FAM20C: variants seen among roughly 807,000 people sequenced by gnomAD.
FAM20C encodes the protein extracellular serine/threonine protein kinase FAM20C.
FAM20C carries 40 observed loss-of-function variants against 51.5 expected under a neutral mutation model. The ratio of observed to expected loss-of-function variants is 0.78; its 90% CI spans 0.60 to 1.01. The LOEUF (loss-of-function observed/expected upper bound fraction) is 1.01. Ranked by LOEUF, FAM20C falls within the 50% of genes least tolerant of loss-of-function variation. FAM20C has a pLI of 0.00. For synonymous variants in FAM20C, 406 were observed against 380.6 expected, an observed-to-expected ratio of 1.07 and a Z score of -0.78; for missense variants, 861 against 844.7, an observed-to-expected ratio of 1.02 and a Z score of -0.24.
At chr7:195,878 C>A (rs568400911) in intron 2 of FAM20C, 146 bp downstream of exon 2, 2 of 765,246 alleles carry the variant, frequency 2.6e-6, no homozygotes, top group African/African-American at 3.6e-5. Flanking sequence ...GCACGGGCAG[C>A]GAGGAGGGAC....
intron 5 of FAM20C, among the ~76,000 whole-genome samples, chr7:250,413 C>T (rs1177765515): frequency 1.3e-5 from 2 of 152,100 alleles, no homozygotes; most frequent in Non-Finnish European, 2.9e-5. Context: ...GGTGCCTGGC[C>T]CTACACACCA....
intron 3 of FAM20C, among the ~76,000 whole-genome samples, chr7:237,747 GATA>G (rs1300601279): frequency 1.1e-4 from 16 of 139,804 alleles, no homozygotes; most frequent in Admixed American, 2.8e-4. Flanking sequence ...GGTAGATGAT[GATA>G]ATGATGATGA....
chr7:201,426 C>G (rs148133017), intron 2 of FAM20C, among the ~76,000 whole-genome samples: 6 of 152,182 alleles, frequency 3.9e-5, no homozygotes, highest in African/African-American at 1.4e-4. Context: ...CCTGCTCCCA[C>G]GAGAAACCAA....
Position 256,006 on chromosome 7 carries a change from C to T in FAM20C, c.1230C>T (p.Ser410=), listed in dbSNP as rs1226327010. 1 of 1,536,004 alleles carries T rather than the reference C, an allele frequency of 6.5e-7. No individual in the cohort carries two copies. The highest frequency in any genetic ancestry group is 2.4e-5 in the East Asian group (1 of 40,904). ...RKTWRNPWRR[S]YHKRKKAEWE... ...CCTGGCGGAACCCTTGGCGGCGTTC[C>T]TACCACAAGCGCAAGAAGGCCGAGT... is the stretch of plus-strand genomic sequence containing the variant. Residue 410 remains serine (S), a synonymous_variant, in exon 6 of 10, where the codon TCC becomes TCT. Coordinates refer to ENST00000313766, the MANE Select transcript of FAM20C (RefSeq NM_020223.4).
chr7:244,387 T>G (rs1389050215), intron 3 of FAM20C, among the ~76,000 whole-genome samples: 24 of 152,228 alleles, frequency 1.6e-4, no homozygotes, highest in Admixed American at 1.6e-3. Flanking sequence ...CTCCAGAATT[T>G]ACCACCCCTG....
chr7:207,334 G>C (rs367996859), intron 2 of FAM20C, among the ~76,000 whole-genome samples: 7 of 113,862 alleles, frequency 6.1e-5, no homozygotes, highest in Admixed American at 1.6e-4. Context: ...CTGTCCCCTC[G>C]GCCCCGCACA....
intron 3 of FAM20C, among the ~76,000 whole-genome samples, chr7:216,939 C>G (rs537285998): frequency 1.3e-5 from 2 of 152,046 alleles, no homozygotes; most frequent in African/African-American, 4.8e-5. Flanking sequence ...TGAGCAGTGA[C>G]GAGGAATTAA....
Position 254,036 on chromosome 7 carries a change from A to G in FAM20C, c.1073-1813A>G, listed in dbSNP as rs146857928. Among the ~76,000 whole-genome samples the G allele has an allele frequency of 7.9e-3, 1,204 of 151,878 alleles. 20 individuals carry two copies. Among genetic ancestry groups the G allele is most frequent in the African/African-American group, 0.028 (1,151 of 41,384 alleles). On this transcript the variant is annotated intron_variant, in intron 5 of 9. Transcript: ENST00000313766. ...TCCTTGATCGTTCGTTCTTACAATA[A>G]TGACCCAGCGTTGGCAGTGGGGTGA...
At chr7:217,194 G>A (rs1787023918) in intron 3 of FAM20C, among the ~76,000 whole-genome samples, 1 of 152,146 alleles carries the variant, frequency 6.6e-6, no homozygotes, top group Non-Finnish European at 1.5e-5. Context: ...CTGACCCCCC[G>A]AGGCCTGTGG....
chr7:209,894 G>A (rs979797695), intron 3 of FAM20C, among the ~76,000 whole-genome samples: 6 of 152,346 alleles, frequency 3.9e-5, no homozygotes, highest in Non-Finnish European at 5.9e-5. Flanking sequence ...AGCTGGGCTC[G>A]GTTTCTGGGC....
chr7:233,533 T>TC (rs1787761829), intron 3 of FAM20C, among the ~76,000 whole-genome samples: 1 of 151,968 alleles, frequency 6.6e-6, no homozygotes, highest in South Asian at 2.1e-4. Context: ...CAGGCTGAGC[T>TC]CCCCCGGGAG....
intron 3 of FAM20C, among the ~76,000 whole-genome samples, chr7:236,758 G>T (rs1037905748): frequency 0.13 from 14,895 of 115,032 alleles, 2,117 homozygotes; most frequent in African/African-American, 0.38. Flanking sequence ...GGCTGTCGGG[G>T]TTTCATGCGG....
At chr7:259,173 G>C (rs566237862) in intron 9 of FAM20C, among the ~76,000 whole-genome samples, 1 of 152,298 alleles carries the variant, frequency 6.6e-6, no homozygotes, top group South Asian at 2.1e-4. Flanking sequence ...CGGATGTGCT[G>C]AGCTGGGGTC....
chr7:248,274 C>T, intron 4 of FAM20C, 41 bp from the exon 5 acceptor site: 1 of 1,440,442 alleles, frequency 6.9e-7, no homozygotes, highest in Non-Finnish European at 9.4e-7. Context: ...GCCCGCTGAG[C>T]CGCACAGAGC....
In FAM20C at chr7:259,988, C is replaced by T. The variant is rs990835780; in HGVS notation, c.*8C>T. ...GCCGCCTCGGCGAGGTAGTGTCCGC[C>T]GGCCGCTGCGCTGCCCGGGACGGAG... On this transcript the variant is annotated 3_prime_UTR_variant, in exon 10 of 10. Transcript: ENST00000313766. The T allele has an allele frequency of 4.2e-5, 63 of 1,504,190 alleles. No homozygotes were observed. In the East Asian group the frequency reaches 7.7e-4, roughly 18 times the overall value. The allele number at this position is 1,504,190 out of a possible 1,614,324, so 93.2% of individuals were successfully genotyped here. A position where few individuals can be genotyped will look rare whatever the true frequency, so the allele number is the denominator to read the frequency against.
At chr7:224,197 G>GGTC (rs528342507) in intron 3 of FAM20C, among the ~76,000 whole-genome samples, 3 of 132,282 alleles carry the variant, frequency 2.3e-5, no homozygotes, top group African/African-American at 8.4e-5. Flanking sequence ...CCGTCACGGG[G>GGTC]TCGCACGGCG....
chr7:216,578 TCC>T (rs1786974207), intron 3 of FAM20C, among the ~76,000 whole-genome samples: 2 of 151,842 alleles, frequency 1.3e-5, no homozygotes, highest in African/African-American at 4.8e-5. Context: ...ACACCTGCCC[TCC>T]CTGCTCTTTC....
chr7:193,107 T>C lies in FAM20C; in HGVS notation c.-93T>C, dbSNP rs897135114. 3 of 1,203,588 alleles carry C rather than the reference T, an allele frequency of 2.5e-6. No homozygotes were observed. The highest frequency in any genetic ancestry group is 3.3e-5 in the African/African-American group (2 of 60,876). The allele number at this position is 1,203,588 out of a possible 1,614,324, so 74.6% of individuals were successfully genotyped here. A position where few individuals can be genotyped will look rare whatever the true frequency, so the allele number is the denominator to read the frequency against. On this transcript the variant is annotated 5_prime_UTR_variant, in exon 1 of 10. Coordinates refer to ENST00000313766, the MANE Select transcript of FAM20C (RefSeq NM_020223.4). ...GTAGCCGCCCGGCACCGATGGACCT[T>C]GACCCGCGAGGCGGCGCCGCGCTCG...
intron 3 of FAM20C, among the ~76,000 whole-genome samples, chr7:226,468 C>T (rs1237977828): frequency 6.6e-6 from 1 of 152,202 alleles, no homozygotes; most frequent in Non-Finnish European, 1.5e-5. Flanking sequence ...GGACGAGGGC[C>T]CAAGGCTCAG....
Sources: allele counts gnomAD v4.1 joint callset (sites outside exome capture counted in the v4.1 genomes callset), GRCh38; gene constraint gnomAD v4.1.1; transcripts MANE v1.5; gene names NCBI Gene and HGNC (gene_info 2026-07-23, HGNC 2026-07-21).